The following FRMD4A variants were observed in gnomAD, a reference collection of about 807,000 sequenced individuals.
The protein encoded by FRMD4A is FERM domain-containing protein 4A.
A neutral mutation model predicts 129.1 loss-of-function variants in FRMD4A; 29 were observed. That is an observed-to-expected ratio of 0.22 (90% CI 0.17 to 0.31). The LOEUF (loss-of-function observed/expected upper bound fraction) is 0.31, where lower values mean the gene tolerates loss of function less well. Among genes scored for constraint, FRMD4A ranks in the 10% least tolerant of loss-of-function variants. FRMD4A has a pLI of 1.00. For synonymous variants in FRMD4A, 634 were observed against 571.6 expected, an observed-to-expected ratio of 1.11 and a Z score of -1.56; for missense variants, 1,272 against 1,375.8, an observed-to-expected ratio of 0.92 and a Z score of 1.19.
At chr10:13,833,711 T>C (rs746123234) in intron 3 of FRMD4A, among the ~76,000 whole-genome samples, 1 of 151,950 alleles carries the variant, frequency 6.6e-6, no homozygotes, top group Non-Finnish European at 1.5e-5. Flanking sequence ...ATGCCTAGCA[T>C]CTCGTAAGTC....
At chr10:13,912,256 G>A (rs938406412) in intron 2 of FRMD4A, among the ~76,000 whole-genome samples, 3 of 152,156 alleles carry the variant, frequency 2.0e-5, no homozygotes, top group Non-Finnish European at 2.9e-5. Context: ...CAGGGATCAG[G>A]GCCCTTGTGC....
intron 22 of FRMD4A, 25 bp from the exon 23 acceptor site, chr10:13,654,537 G>A (rs1393804798): frequency 3.4e-6 from 5 of 1,453,664 alleles, no homozygotes; most frequent in Admixed American, 3.4e-5. Flanking sequence ...TGCAAGAAAG[G>A]CAGAGAGCAG....
At position 13,826,056 on chromosome 10, in the gene FRMD4A, C is replaced by T. The variant is rs538835574; in HGVS notation, c.112-15148G>A. ...GATGTGTACCTTGATCAGCATCTGC[C>T]TCACTTTGAACATTGCAACAATAAC... On this transcript the variant is annotated intron_variant, in intron 3 of 24. Transcript: ENST00000357447. Among the ~76,000 whole-genome samples, 139 of 152,332 alleles carry T rather than the reference C, an allele frequency of 9.1e-4. 1 individual carries two copies. The highest frequency in any genetic ancestry group is 1.5e-3 in the Non-Finnish European group (100 of 68,038).
intron 2 of FRMD4A, among the ~76,000 whole-genome samples, chr10:13,875,370 T>C (rs1430454147): frequency 6.6e-6 from 1 of 152,148 alleles, no homozygotes; most frequent in Non-Finnish European, 1.5e-5. Context: ...CAAAGTGATA[T>C]TAAAGTAGAA....
intron 2 of FRMD4A, chr10:14,326,663 C>G (rs1459770421): frequency 1.0e-5 from 4 of 395,302 alleles, no homozygotes; most frequent in African/African-American, 6.2e-5. Context: ...ACCCTTGAAG[C>G]CCCTTGGTTA....
intron 2 of FRMD4A, among the ~76,000 whole-genome samples, chr10:14,112,612 G>A (rs1281084968): frequency 6.6e-6 from 1 of 152,092 alleles, no homozygotes; most frequent in East Asian, 1.9e-4. Context: ...TGTAACGTCT[G>A]CCTCCCAGGT....
Position 13,645,126 on chromosome 10 carries a change from G to A in FRMD4A, c.*1912C>T, listed in dbSNP as rs1255368821. 1 of 152,188 alleles carries A rather than the reference G, an allele frequency of 6.6e-6. No homozygotes were observed. The highest frequency in any genetic ancestry group is 6.5e-5 in the Admixed American group (1 of 15,284). The allele number at this position is 152,188 out of a possible 1,614,324, so 9.4% of individuals were successfully genotyped here. A position where few individuals can be genotyped will look rare whatever the true frequency, so the allele number is the denominator to read the frequency against. ...CGGTGGTCTCCAGGCTGCAGCAGAA[G>A]GAATACCTTGGTATTTGTTTCATTT... On this transcript the variant is annotated 3_prime_UTR_variant, in exon 25 of 25. Coordinates refer to ENST00000357447, the MANE Select transcript of FRMD4A (RefSeq NM_018027.5).
At chr10:14,011,596 C>A (rs988337113) in intron 2 of FRMD4A, among the ~76,000 whole-genome samples, 1 of 152,116 alleles carries the variant, frequency 6.6e-6, no homozygotes, top group African/African-American at 2.4e-5. Context: ...GCCATATAGG[C>A]AGGGCAGGGA....
At chr10:13,832,356 C>T (rs1308487584) in intron 3 of FRMD4A, among the ~76,000 whole-genome samples, 1 of 152,170 alleles carries the variant, frequency 6.6e-6, no homozygotes, top group African/African-American at 2.4e-5. Flanking sequence ...CCTCGTGCTT[C>T]GTCCAGAGTG....
At position 13,773,410 on chromosome 10, in the gene FRMD4A, C is replaced by T. The variant is rs185296202; in HGVS notation, c.384+9512G>A. On this transcript the variant is annotated intron_variant, in intron 6 of 24. Transcript: ENST00000357447. ...CTTTTGGATGATACTGATGGTGCAT[C>T]TAGGCATTCTGACAGCCACTCACGC... is the stretch of plus-strand genomic sequence containing the variant. 6.0e-3 allele frequency among the ~76,000 whole-genome samples: 912 copies of T among 152,312 alleles called. 12 individuals carry two copies. The highest frequency in any genetic ancestry group is 0.021 in the African/African-American group (885 of 41,560).
intron 21 of FRMD4A, among the ~76,000 whole-genome samples, chr10:13,657,788 G>GTTTTTTT (rs10695622): frequency 0.034 from 4,896 of 143,126 alleles, 127 homozygotes; most frequent in Middle Eastern, 0.092. Context: ...CGATTTCTGG[G>GTTTTTTT]TTTTTTTTTT....
At position 14,330,105 on chromosome 10, in the gene FRMD4A, T is replaced by C; in HGVS notation, c.-3A>G. On this transcript the variant is annotated 5_prime_UTR_variant, in exon 2 of 25. Coordinates refer to ENST00000357447, the MANE Select transcript of FRMD4A (RefSeq NM_018027.5). ...TCGGGCACCAGCTGCACTGCCATGG[T>C]CTCCGATTCCCATGCACGAATCCTG... 1 of 1,552,306 alleles carries C rather than the reference T, an allele frequency of 6.4e-7. No homozygotes were observed. The highest frequency in any genetic ancestry group is 8.7e-7 in the Non-Finnish European group (1 of 1,147,370).
At chr10:13,757,465 C>T (rs960543706) in intron 8 of FRMD4A, among the ~76,000 whole-genome samples, 3 of 152,174 alleles carry the variant, frequency 2.0e-5, no homozygotes, top group Non-Finnish European at 2.9e-5. Flanking sequence ...CTATGGCAGG[C>T]GATACTAATC....
chr10:13,728,573 CTTTT>C (rs10706168), intron 12 of FRMD4A, among the ~76,000 whole-genome samples: 9 of 78,370 alleles, frequency 1.1e-4, no homozygotes, highest in Admixed American at 1.9e-4. Context: ...GATTACCATT[CTTTT>C]TTTTTTTTTT....
chr10:14,066,003 T>C (rs1375732560), intron 2 of FRMD4A, among the ~76,000 whole-genome samples: 1 of 134,232 alleles, frequency 7.4e-6, no homozygotes, highest in African/African-American at 2.9e-5. Flanking sequence ...AGTGGGGGTA[T>C]GTATTTGTGT....
intron 2 of FRMD4A, among the ~76,000 whole-genome samples, chr10:13,883,780 G>A (rs2094573357): frequency 6.6e-6 from 1 of 152,146 alleles, no homozygotes; most frequent in Non-Finnish European, 1.5e-5. Context: ...GCCCTGTCTA[G>A]GCAAAAGATG....
chr10:13,950,912 A>G (rs547003768), intron 2 of FRMD4A, among the ~76,000 whole-genome samples: 1 of 152,360 alleles, frequency 6.6e-6, no homozygotes, highest in South Asian at 2.1e-4. Context: ...AGAGTCACAG[A>G]TAAGCTAAGA....
chr10:13,720,760 G>T (rs2089336431), intron 12 of FRMD4A, among the ~76,000 whole-genome samples: 1 of 152,150 alleles, frequency 6.6e-6, no homozygotes, highest in South Asian at 2.1e-4. Context: ...GGGCAAAGCT[G>T]GGCAGCTATG....
At chr10:13,915,177 C>T (rs148865441) in intron 2 of FRMD4A, among the ~76,000 whole-genome samples, 102 of 152,222 alleles carry the variant, frequency 6.7e-4, no homozygotes, top group African/African-American at 2.2e-3. Context: ...CAAATCCAGG[C>T]GAGAGCATTT....
Sources: gnomAD v4.1 joint callset for allele counts (sites outside exome capture counted in the v4.1 genomes callset) on GRCh38, gnomAD v4.1.1 for gene constraint, MANE v1.5 for transcripts, NCBI Gene and HGNC (gene_info 2026-07-23, HGNC 2026-07-21) for gene names.